SSMEM1: variants seen among roughly 807,000 people sequenced by gnomAD.
SSMEM1 encodes the protein serine rich single-pass membrane protein 1, also known as serine-rich single-pass membrane protein 1.
A neutral mutation model predicts 9.9 loss-of-function variants in SSMEM1; 12 were observed. The ratio of observed to expected loss-of-function variants is 1.21; its 90% CI spans 0.78 to 1.96. The LOEUF is 1.96. SSMEM1 is among the 30% of genes most tolerant of loss of function. The pLI, the probability that SSMEM1 is intolerant of heterozygous loss-of-function variation, is 0.00. For missense variants in SSMEM1, 259 were observed against 292.2 expected (o/e 0.89, Z 0.83); for synonymous variants, 96 against 98.9 (o/e 0.97, Z 0.17).
upstream of SSMEM1, chr7:130,205,528 C>A (rs760044212): frequency 1.6e-6 from 2 of 1,217,856 alleles, no homozygotes; most frequent in Non-Finnish European, 2.4e-6. Context: ...CAGGCCCAGG[C>A]GCTCGGAGCG....
At position 130,207,980 on chromosome 7, in the gene SSMEM1, A is replaced by C. The variant is rs751298433; in HGVS notation, c.70A>C (p.Asn24His). ...AATACCTGTAAATTGTGCCATTCCA[A>C]ATCAGGATTATGAATGCTGGAAGGA... ...PPIPVNCAIP[N>H]QDYECWKDDS... is the part of the protein sequence containing the mutation. The change falls in exon 1 of 3, where the codon AAT (asparagine) becomes CAT (histidine). Residue 24 changes from asparagine to histidine, a missense_variant. Asn to His is a moderately conservative substitution (Grantham distance 68, BLOSUM62 1). Transcript: ENST00000297819. The C allele has an allele frequency of 1.9e-6, 3 of 1,613,944 alleles. No homozygotes were observed. In the African/African-American group the frequency reaches 4.0e-5, roughly 22 times the overall value.
At chr7:130,215,667 G>A (rs1798690697) in intron 2 of SSMEM1, among the ~76,000 whole-genome samples, 1 of 151,984 alleles carries the variant, frequency 6.6e-6, no homozygotes. Context: ...TTTTCAAAGG[G>A]AAAAAAGAGT....
At chr7:130,210,764 G>A (rs956932227) in intron 1 of SSMEM1, among the ~76,000 whole-genome samples, 14 of 152,162 alleles carry the variant, frequency 9.2e-5, no homozygotes, top group African/African-American at 3.1e-4. Flanking sequence ...AATGCTTTTC[G>A]TAACCACAGT....
chr7:130,208,168 ATACTT>A, intron 1 of SSMEM1, 75 bp downstream of exon 1: 2 of 1,382,306 alleles, frequency 1.4e-6, no homozygotes, highest in Non-Finnish European at 9.7e-7. Context: ...TACATTTACT[ATACTT>A]TGATGAAACT....
chr7:130,210,597 C>T (rs931100395), intron 1 of SSMEM1, among the ~76,000 whole-genome samples: 1 of 152,096 alleles, frequency 6.6e-6, no homozygotes, highest in Admixed American at 6.5e-5. Flanking sequence ...CCTTATTTTG[C>T]TTATGTGGAA....
At chr7:130,208,928 T>C (rs1455199881) in intron 1 of SSMEM1, among the ~76,000 whole-genome samples, 1 of 151,912 alleles carries the variant, frequency 6.6e-6, no homozygotes, top group Non-Finnish European at 1.5e-5. Flanking sequence ...AGTGGTGCAA[T>C]CTTGGCTCAC....
At position 130,216,567 on chromosome 7, in the gene SSMEM1, A is replaced by G. The variant is rs1170819536; in HGVS notation, c.*97A>G. On this transcript the variant is annotated 3_prime_UTR_variant, in exon 3 of 3. Transcript: ENST00000297819. ...TATAGGTGAGGAGACTTTTACAACAAAGTCTCTCTACCAACAAACAAAAAC... is the reference window on the plus strand; with the variant it reads ...TATAGGTGAGGAGACTTTTACAACAGAGTCTCTCTACCAACAAACAAAAAC... The G allele has an allele frequency of 7.1e-7, 1 of 1,413,340 alleles. No homozygotes were observed. The highest frequency in any genetic ancestry group is 1.4e-5 in the South Asian group (1 of 70,956). 87.5% of individuals were successfully genotyped at this position (1,413,340 alleles called of 1,614,324 possible).
Position 130,216,598 on chromosome 7 carries a change from T to C in SSMEM1, c.*128T>C. Reference sequence around the variant, plus strand: ...CTCTACCAACAAACAAAAACATACTTGGAACCCAAGAGGTAAAATCTCACA... The same window carrying C: ...CTCTACCAACAAACAAAAACATACTCGGAACCCAAGAGGTAAAATCTCACA... On this transcript the variant is annotated 3_prime_UTR_variant, in exon 3 of 3. Coordinates refer to ENST00000297819, the MANE Select transcript of SSMEM1 (RefSeq NM_145268.4). The C allele has an allele frequency of 8.3e-7, 1 of 1,197,960 alleles. No individual in the cohort carries two copies. The highest frequency in any genetic ancestry group is 1.2e-6 in the Non-Finnish European group (1 of 863,618). 74.2% of individuals were successfully genotyped at this position (1,197,960 alleles called of 1,614,324 possible).
chr7:130,211,961 A>G (rs1196910441), intron 1 of SSMEM1, among the ~76,000 whole-genome samples: 2 of 152,110 alleles, frequency 1.3e-5, no homozygotes, highest in Non-Finnish European at 2.9e-5. Flanking sequence ...CTACTTTTGA[A>G]TTTTCTATTA....
Position 130,216,573 on chromosome 7 carries a change from C to A in SSMEM1, c.*103C>A. The A allele has an allele frequency of 7.2e-7, 1 of 1,383,748 alleles. No individual in the cohort carries two copies. The highest frequency in any genetic ancestry group is 9.8e-7 in the Non-Finnish European group (1 of 1,020,990). 85.7% of individuals were successfully genotyped at this position (1,383,748 alleles called of 1,614,324 possible). On this transcript the variant is annotated 3_prime_UTR_variant, in exon 3 of 3. Transcript: ENST00000297819. ...TGAGGAGACTTTTACAACAAAGTCT[C>A]TCTACCAACAAACAAAAACATACTT...
intron 1 of SSMEM1, among the ~76,000 whole-genome samples, chr7:130,212,215 G>C (rs571389359): frequency 2.6e-5 from 4 of 152,074 alleles, no homozygotes; most frequent in Non-Finnish European, 4.4e-5. Flanking sequence ...AGTATTGGGG[G>C]GCAGAATATT....
chr7:130,211,103 CAT>C (rs1490534095), intron 1 of SSMEM1, among the ~76,000 whole-genome samples: 1 of 150,152 alleles, frequency 6.7e-6, no homozygotes, highest in East Asian at 1.9e-4. Context: ...CTAAGTGATA[CAT>C]ATTAAATTTA....
In SSMEM1 at chr7:130,208,060, T is replaced by A; in HGVS notation, c.150T>A (p.Phe50Leu). The A allele has an allele frequency of 2.5e-6, 4 of 1,613,976 alleles. No homozygotes were observed. The highest frequency in any genetic ancestry group is 3.4e-6 in the Non-Finnish European group (4 of 1,179,930). ...SFLLWYFVIV[F>L]VLMFFSRASV... Reference sequence around the variant, plus strand: ...TGCTTTGGTATTTTGTTATCGTATTTGTCCTGATGTTCTTCTCTAGGGCTT... The same window carrying A: ...TGCTTTGGTATTTTGTTATCGTATTAGTCCTGATGTTCTTCTCTAGGGCTT... The change falls in exon 1 of 3, where the codon TTT (phenylalanine) becomes TTA (leucine). Residue 50 changes from phenylalanine to leucine, a missense_variant. By Grantham distance (22) the Phe-to-Leu change is conservative (BLOSUM62 0). Coordinates refer to ENST00000297819, the MANE Select transcript of SSMEM1 (RefSeq NM_145268.4).
intron 1 of SSMEM1, among the ~76,000 whole-genome samples, chr7:130,212,761 CA>C (rs545989908): frequency 3.3e-5 from 5 of 151,220 alleles, no homozygotes; most frequent in Admixed American, 3.3e-4. Context: ...AAAAACAAAA[CA>C]AAAAAACAAC....
chr7:130,205,494 T>C (rs1474544647), upstream of SSMEM1: 17 of 1,522,520 alleles, frequency 1.1e-5, no homozygotes, highest in East Asian at 3.6e-4. Flanking sequence ...AGGTAGTCTC[T>C]TCTCGCGAGA....
chr7:130,214,950 T>C (rs890361625), intron 2 of SSMEM1, among the ~76,000 whole-genome samples: 7 of 152,236 alleles, frequency 4.6e-5, no homozygotes, highest in African/African-American at 1.4e-4. Context: ...GATTTTAAGC[T>C]ATCCACCTCA....
intron 1 of SSMEM1, 35 bp downstream of exon 1, chr7:130,208,128 TTACTG>T: frequency 6.5e-7 from 1 of 1,548,434 alleles, no homozygotes; most frequent in Non-Finnish European, 8.7e-7. Flanking sequence ...AATAATATGT[TTACTG>T]TACACTAGGA....
chr7:130,205,659 T>G (rs1490264137), upstream of SSMEM1, among the ~76,000 whole-genome samples: 2 of 152,134 alleles, frequency 1.3e-5, no homozygotes, highest in Non-Finnish European at 1.5e-5. Context: ...ACAAGCTGAA[T>G]TTTGTATCTA....
upstream of SSMEM1, chr7:130,207,804 C>T (rs760364348): frequency 1.7e-6 from 2 of 1,199,880 alleles, no homozygotes; most frequent in Non-Finnish European, 2.5e-6. Flanking sequence ...AAGTATGTGT[C>T]ATAATAGGTT....
Sources: gnomAD v4.1 joint callset for allele counts (sites outside exome capture counted in the v4.1 genomes callset) on GRCh38, gnomAD v4.1.1 for gene constraint, MANE v1.5 for transcripts, NCBI Gene and HGNC (gene_info 2026-07-23, HGNC 2026-07-21) for gene names.